Variants in DLG2 observed in about 807,000 individuals in gnomAD.
DLG2 encodes disks large homolog 2.
A neutral mutation model predicts 132.5 loss-of-function variants in DLG2; 45 were observed. The ratio of observed to expected loss-of-function variants is 0.34; its 90% CI spans 0.27 to 0.44. The LOEUF is 0.44. Among genes scored for constraint, DLG2 ranks in the 20% least tolerant of loss-of-function variants. The pLI is 1.00. For missense variants in DLG2, 1,045 were observed against 1,196.9 expected, an observed-to-expected ratio of 0.87 and a Z score of 1.87; for synonymous variants, 424 against 419.6, an observed-to-expected ratio of 1.01 and a Z score of -0.13.
chr11:83,910,861 G>T (rs1023913231), intron 15 of DLG2, among the ~76,000 whole-genome samples: 1 of 152,054 alleles, frequency 6.6e-6, no homozygotes, highest in Admixed American at 6.6e-5. Context: ...AACCCACTAT[G>T]TGTATGGCAC....
chr11:85,028,612 G>C (rs1205075812), intron 6 of DLG2, among the ~76,000 whole-genome samples: 1 of 152,212 alleles, frequency 6.6e-6, no homozygotes, highest in Admixed American at 6.5e-5. Context: ...CCTGCCGTAA[G>C]TGCATGCAGC....
chr11:83,926,081 T>C (rs1432408167), intron 15 of DLG2, among the ~76,000 whole-genome samples: 1 of 151,610 alleles, frequency 6.6e-6, no homozygotes, highest in Non-Finnish European at 1.5e-5. Context: ...TTTAAAGTGC[T>C]TTCCTAAGAA....
chr11:84,734,982 T>C (rs2063640949), intron 6 of DLG2, among the ~76,000 whole-genome samples: 1 of 152,220 alleles, frequency 6.6e-6, no homozygotes, highest in Non-Finnish European at 1.5e-5. Flanking sequence ...ATCCCAGGGA[T>C]GAAGCCAACT....
chr11:84,340,600 C>G (rs1412011717), intron 7 of DLG2, among the ~76,000 whole-genome samples: 1 of 152,084 alleles, frequency 6.6e-6, no homozygotes, highest in Admixed American at 6.6e-5. Flanking sequence ...GGCACAGGCT[C>G]AAAGATCTCG....
intron 6 of DLG2, among the ~76,000 whole-genome samples, chr11:84,633,410 C>A (rs2099635438): frequency 6.6e-6 from 1 of 152,038 alleles, no homozygotes; most frequent in Admixed American, 6.6e-5. Context: ...CTCACCCACC[C>A]CCTACCTACT....
chr11:85,597,819 T>G (rs1001238463), intron 3 of DLG2, among the ~76,000 whole-genome samples: 2 of 151,810 alleles, frequency 1.3e-5, no homozygotes, highest in African/African-American at 4.8e-5. Context: ...TTTAAAATTA[T>G]TTAAAATCAG....
At chr11:84,316,725 C>A (rs1515083) in intron 7 of DLG2, 179,502 of 1,270,454 alleles carry the variant, frequency 0.14, 14,049 homozygotes, top group East Asian at 0.33. Context: ...TACAGGCATA[C>A]CCGTGGTACT....
chr11:83,545,900 A>C (rs1228698775), intron 19 of DLG2, among the ~76,000 whole-genome samples: 1 of 152,172 alleles, frequency 6.6e-6, no homozygotes, highest in Non-Finnish European at 1.5e-5. Context: ...GAAAAATGCT[A>C]CAGTGCCCCA....
At chr11:83,506,955 C>T (rs987167102) in intron 21 of DLG2, among the ~76,000 whole-genome samples, 12 of 152,094 alleles carry the variant, frequency 7.9e-5, no homozygotes, top group African/African-American at 2.4e-4. Flanking sequence ...TCACTCAGGG[C>T]AATCTTAGCA....
chr11:84,108,306 T>C (rs1423333637), intron 9 of DLG2, among the ~76,000 whole-genome samples: 6 of 152,040 alleles, frequency 3.9e-5, no homozygotes, highest in Admixed American at 2.0e-4. Context: ...TAAGAGTGTA[T>C]TGAGGTGATG....
chr11:83,464,058 A>T (rs984783866), intron 26 of DLG2, among the ~76,000 whole-genome samples: 6 of 152,224 alleles, frequency 3.9e-5, no homozygotes, highest in Non-Finnish European at 7.3e-5. Context: ...GAATGAACAA[A>T]TGGGGAGCTA....
intron 6 of DLG2, among the ~76,000 whole-genome samples, chr11:85,067,845 C>CA (rs1566779536): frequency 1.3e-5 from 2 of 151,912 alleles, no homozygotes; most frequent in African/African-American, 4.8e-5. Flanking sequence ...AGAGACACAA[C>CA]AAAAAAAGAG....
intron 12 of DLG2, among the ~76,000 whole-genome samples, chr11:83,966,828 T>G (rs1225618276): frequency 6.6e-6 from 1 of 152,104 alleles, no homozygotes; most frequent in Non-Finnish European, 1.5e-5. Context: ...ATGTTACACA[T>G]TAGACCTCTA....
At chr11:84,502,256 TTCCTTCCTTCCTTCCTTCCTTCC>T (rs1567804567) in intron 7 of DLG2, among the ~76,000 whole-genome samples, 1 of 46,952 alleles carries the variant, frequency 2.1e-5, no homozygotes, top group East Asian at 4.0e-4. Flanking sequence ...CCTTCCTTCC[TTCCTTCCTTCCTTCCTTCCTTCC>T]TTCTTTCTTT....
At chr11:85,474,777 C>A (rs1257074412) in intron 3 of DLG2, among the ~76,000 whole-genome samples, 1 of 151,444 alleles carries the variant, frequency 6.6e-6, no homozygotes, top group East Asian at 1.9e-4. Flanking sequence ...TTAAAATTTA[C>A]TTAATGTAAT....
intron 7 of DLG2, among the ~76,000 whole-genome samples, chr11:84,492,989 G>T: frequency 6.6e-6 from 1 of 152,076 alleles, no homozygotes; most frequent in East Asian, 1.9e-4. Context: ...GTTTTTCTAT[G>T]ATCTTAAAAT....
chr11:84,636,398 C>T (rs2099640487), intron 6 of DLG2, among the ~76,000 whole-genome samples: 1 of 152,140 alleles, frequency 6.6e-6, no homozygotes, highest in African/African-American at 2.4e-5. Context: ...GATTCTGCTA[C>T]CTACCAGCTG....
intron 7 of DLG2, among the ~76,000 whole-genome samples, chr11:84,461,697 A>C (rs1444334264): frequency 6.6e-6 from 1 of 151,072 alleles, no homozygotes; most frequent in African/African-American, 2.4e-5. Flanking sequence ...TGAAGAACAC[A>C]AAATTAAAAG....
intron 15 of DLG2, among the ~76,000 whole-genome samples, chr11:83,919,743 C>A (rs1014163227): frequency 6.6e-6 from 1 of 152,160 alleles, no homozygotes; most frequent in Admixed American, 6.5e-5. Context: ...TTGGACTAAA[C>A]TGTTTAGTCC....
Sources: allele counts gnomAD v4.1 joint callset (sites outside exome capture counted in the v4.1 genomes callset), GRCh38; gene constraint gnomAD v4.1.1; transcripts MANE v1.5; gene names NCBI Gene and HGNC (gene_info 2026-07-23, HGNC 2026-07-21).